Variants in IFT81 observed in about 807,000 individuals in gnomAD.
IFT81 encodes intraflagellar transport protein 81 homolog.
IFT81 carries 72 observed loss-of-function variants against 102.6 expected under a neutral mutation model. The ratio of observed to expected loss-of-function variants is 0.70; its 90% CI spans 0.58 to 0.85. The LOEUF (loss-of-function observed/expected upper bound fraction) is 0.85. Among genes scored for constraint, IFT81 ranks in the 40% least tolerant of loss-of-function variants. The pLI is 0.00. For synonymous variants in IFT81, 237 were observed against 242.7 expected (o/e 0.98, Z 0.22); for missense variants, 723 against 787.3 (o/e 0.92, Z 0.98).
intron 10 of IFT81, among the ~76,000 whole-genome samples, chr12:110,160,815 T>C (rs1418172775): frequency 6.6e-6 from 1 of 152,250 alleles, no homozygotes; most frequent in Non-Finnish European, 1.5e-5. Flanking sequence ...CTGTAGTTTT[T>C]CTATTCTTTT....
chr12:110,189,668 A>G (rs923309376), intron 12 of IFT81, among the ~76,000 whole-genome samples: 2 of 152,122 alleles, frequency 1.3e-5, no homozygotes, highest in African/African-American at 2.4e-5. Flanking sequence ...TCTTACACAT[A>G]TAACATCTTG....
chr12:110,170,405 A>C (rs902562974), intron 11 of IFT81, among the ~76,000 whole-genome samples: 1 of 152,222 alleles, frequency 6.6e-6, no homozygotes, highest in African/African-American at 2.4e-5. Flanking sequence ...TTTCATAGGC[A>C]GCAATCTCAG....
intron 6 of IFT81, 110 bp from the exon 7 acceptor site, chr12:110,135,217 G>A (rs1342893620): frequency 4.0e-6 from 3 of 748,674 alleles, no homozygotes; most frequent in South Asian, 1.8e-5. Context: ...CATCTCTAGG[G>A]AGTACTGTTT....
intron 10 of IFT81, among the ~76,000 whole-genome samples, chr12:110,148,413 A>G (rs1895342185): frequency 1.3e-5 from 2 of 151,976 alleles, no homozygotes; most frequent in Non-Finnish European, 2.9e-5. Context: ...TTGCTTATCC[A>G]TTAATTTTAT....
intron 11 of IFT81, among the ~76,000 whole-genome samples, chr12:110,166,267 C>G (rs1021539290): frequency 1.3e-5 from 2 of 152,106 alleles, no homozygotes; most frequent in African/African-American, 4.8e-5. Context: ...AAAGTTGAAA[C>G]TAGTATTTCC....
chr12:110,140,788 A>C (rs567504933), intron 8 of IFT81, among the ~76,000 whole-genome samples: 1 of 152,242 alleles, frequency 6.6e-6, no homozygotes, highest in Admixed American at 6.5e-5. Context: ...CAATGGCGTG[A>C]TCTTGGCTCA....
Position 110,128,112 on chromosome 12 carries a change from A to G in IFT81, c.211A>G (p.Ile71Val), listed in dbSNP as rs1893952640. ...TAKRMLSLLG[I>V]LKYKPSGNAT... ...CAAACGAATGTTGAGCCTTCTTGGT[A>G]TTCTTAAGTACAAACCTTCAGGAAA... The change falls in exon 3 of 19, where the codon ATT becomes GTT. Residue 71 changes from isoleucine to valine, a missense_variant. Coordinates refer to ENST00000242591, the MANE Select transcript of IFT81 (RefSeq NM_014055.4). The G allele has an allele frequency of 6.2e-7, 1 of 1,613,380 alleles. No individual in the cohort carries two copies. The highest frequency in any genetic ancestry group is 1.1e-5 in the South Asian group (1 of 91,076).
rs1404219555 is a variant in IFT81 at position 110,218,390 on chromosome 12, A to T, written c.*164A>T. The T allele has an allele frequency of 2.0e-6, 1 of 498,114 alleles. No homozygotes were observed. Among genetic ancestry groups the T allele is most frequent in the African/African-American group, 2.0e-5 (1 of 49,920 alleles). 30.9% of individuals were successfully genotyped at this position (498,114 alleles called of 1,614,324 possible). A position where few individuals can be genotyped will look rare whatever the true frequency, so the allele number is the denominator to read the frequency against. ...ATAATGTTAAGGTAGATTTAGTTTGAATGTTTTTTCATATGAAAAAGAGGC... is the reference window on the plus strand; with the variant it reads ...ATAATGTTAAGGTAGATTTAGTTTGTATGTTTTTTCATATGAAAAAGAGGC... On this transcript the variant is annotated 3_prime_UTR_variant, in exon 19 of 19. Coordinates refer to ENST00000242591, the MANE Select transcript of IFT81 (RefSeq NM_014055.4).
At chr12:110,202,185 A>G (rs1220165735) in intron 14 of IFT81, among the ~76,000 whole-genome samples, 1 of 152,198 alleles carries the variant, frequency 6.6e-6, no homozygotes, top group African/African-American at 2.4e-5. Flanking sequence ...TGCCTATGAT[A>G]TCACTAAGGT....
Position 110,136,783 on chromosome 12 carries a change from A to C in IFT81, c.704A>C (p.His235Pro), listed in dbSNP as rs764531304. The C allele has an allele frequency of 1.2e-6, 2 of 1,604,060 alleles. No individual in the cohort carries two copies. The highest frequency in any genetic ancestry group is 1.1e-5 in the South Asian group (1 of 90,030). Residue 235 changes from histidine (H) to proline (P), a missense_variant, in exon 8 of 19, where the codon CAT becomes CCT. By Grantham distance (77) the His-to-Pro change is moderately conservative. Coordinates refer to ENST00000242591, the MANE Select transcript of IFT81 (RefSeq NM_014055.4). ...QKQEQKNQLF[H>P]AVQRLQRVQN... is the part of the protein sequence containing the mutation. The stretch of plus-strand genomic sequence containing the variant: ...TTTAATTGTATTTTAAAGCTATTTC[A>C]TGCAGTGCAAAGATTGCAAAGAGTA...
Position 110,134,959 on chromosome 12 carries a change from A to G in IFT81, c.531A>G (p.Ala177=). The change falls in exon 6 of 19, where the codon GCA becomes GCG. Residue 177 remains alanine (A), a synonymous_variant. Coordinates refer to ENST00000242591, the MANE Select transcript of IFT81 (RefSeq NM_014055.4). ...STAEIRKDIS[A]MEEEKDQLIK... ...TTGCCACTTTTTAGGATATCAGTGC[A>G]ATGGAAGAAGAAAAGGATCAGCTCA... 3 of 1,611,176 alleles carry G rather than the reference A, an allele frequency of 1.9e-6. No individual in the cohort carries two copies. The highest frequency in any genetic ancestry group is 2.5e-6 in the Non-Finnish European group (3 of 1,178,918).
Position 110,163,085 on chromosome 12 carries a change from G to T in IFT81, c.1188+20G>T. ...GATGAGGTAAGCTGAGCCATCTCATGGGACAAGGGTATGAGTATTGTTTTT... is the reference window on the plus strand; with the variant it reads ...GATGAGGTAAGCTGAGCCATCTCATTGGACAAGGGTATGAGTATTGTTTTT... On this transcript the variant is annotated intron_variant, in intron 11 of 18. Coordinates refer to ENST00000242591, the MANE Select transcript of IFT81 (RefSeq NM_014055.4). The T allele has an allele frequency of 6.2e-7, 1 of 1,605,846 alleles. No individual in the cohort carries two copies. The highest frequency in any genetic ancestry group is 8.5e-7 in the Non-Finnish European group (1 of 1,174,060).
chr12:110,145,110 G>A (rs1895142919), intron 9 of IFT81, among the ~76,000 whole-genome samples: 1 of 143,632 alleles, frequency 7.0e-6, no homozygotes, highest in South Asian at 2.1e-4. Flanking sequence ...ACAGCTCACT[G>A]CAGCCTCCAT....
chr12:110,147,476 C>T (rs1895290245), intron 10 of IFT81, among the ~76,000 whole-genome samples: 3 of 152,004 alleles, frequency 2.0e-5, no homozygotes, highest in Admixed American at 2.0e-4. Flanking sequence ...ATTATTTTAT[C>T]CACAACTAAA....
chr12:110,205,427 A>C lies in IFT81; in HGVS notation c.1645-16A>C. ...TTCTTTCGATAATGTCACCTATCTA[A>C]AATTATATATTATAGGAAGTTAGAA... On this transcript the variant is annotated splice_polypyrimidine_tract_variant and intron_variant, in intron 15 of 18. Transcript: ENST00000242591. 6.4e-7 allele frequency: 1 copy of C among 1,574,780 alleles called. No individual in the cohort carries two copies. The highest frequency in any genetic ancestry group is 8.6e-7 in the Non-Finnish European group (1 of 1,167,380).
intron 18 of IFT81, among the ~76,000 whole-genome samples, chr12:110,211,833 G>A (rs1215969252): frequency 6.6e-6 from 1 of 151,984 alleles, no homozygotes; most frequent in Non-Finnish European, 1.5e-5. Flanking sequence ...TAAGTTTGTA[G>A]CATCATAGGT....
At chr12:110,189,723 T>C (rs1357972445) in intron 12 of IFT81, among the ~76,000 whole-genome samples, 1 of 152,174 alleles carries the variant, frequency 6.6e-6, no homozygotes, top group Non-Finnish European at 1.5e-5. Context: ...ATTTTTAACA[T>C]GTCCAAAAAT....
chr12:110,140,763 G>A (rs575511244), intron 8 of IFT81, among the ~76,000 whole-genome samples: 4 of 152,092 alleles, frequency 2.6e-5, no homozygotes, highest in South Asian at 2.1e-4. Context: ...CACTCCTGTT[G>A]CCCAGGCTGG....
At chr12:110,131,317 T>A (rs539376891) in intron 4 of IFT81, among the ~76,000 whole-genome samples, 2 of 152,098 alleles carry the variant, frequency 1.3e-5, no homozygotes, top group East Asian at 3.9e-4. Context: ...TAAAAAATTT[T>A]TAGGTAACAG....
Sources: allele counts gnomAD v4.1 joint callset (sites outside exome capture counted in the v4.1 genomes callset), GRCh38; gene constraint gnomAD v4.1.1; transcripts MANE v1.5; gene names NCBI Gene and HGNC (gene_info 2026-07-23, HGNC 2026-07-21).